Variants in MCC observed in about 807,000 individuals in gnomAD.
MCC encodes the protein colorectal mutant cancer protein.
MCC carries 90 observed loss-of-function variants against 116.2 expected under a neutral mutation model. That is an observed-to-expected ratio of 0.77 (90% CI 0.65 to 0.92). MCC has a LOEUF of 0.92. Ranked by LOEUF, MCC falls within the 40% of genes least tolerant of loss-of-function variation. The pLI is 0.00. For synonymous variants in MCC, 578 were observed against 510.5 expected, an observed-to-expected ratio of 1.13 and a Z score of -1.78; for missense variants, 1,516 against 1,312.2, an observed-to-expected ratio of 1.16 and a Z score of -2.40.
At chr5:113,041,530 G>C (rs1010155899) in intron 17 of MCC, among the ~76,000 whole-genome samples, 1 of 152,236 alleles carries the variant, frequency 6.6e-6, no homozygotes, top group East Asian at 1.9e-4. Context: ...TTGGCTACCA[G>C]AACAGGAGGG....
intron 11 of MCC, 29 bp downstream of exon 11, chr5:113,082,831 A>G (rs1269773948): frequency 1.2e-6 from 2 of 1,609,640 alleles, no homozygotes; most frequent in African/African-American, 1.3e-5. Context: ...TCCCTGCCCC[A>G]CAATCAAATC....
At position 113,132,155 on chromosome 5, in the gene MCC, G is replaced by A. The variant is rs559300267; in HGVS notation, c.885-9329C>T. Among the ~76,000 whole-genome samples, 168 of 150,570 alleles carry A rather than the reference G, an allele frequency of 1.1e-3. 1 individual carries two copies. Among genetic ancestry groups the A allele is most frequent in the African/African-American group, 3.9e-3 (161 of 40,994 alleles). ...TTTTCTTTTGAGTTTTCTATTAACTGGAACTTTACAAGGATTCAATTTCCT... is the reference window on the plus strand; with the variant it reads ...TTTTCTTTTGAGTTTTCTATTAACTAGAACTTTACAAGGATTCAATTTCCT... On this transcript the variant is annotated intron_variant, in intron 5 of 18. Transcript: ENST00000408903.
At chr5:113,148,720 TCTGA>T (rs1267826539) in intron 4 of MCC, among the ~76,000 whole-genome samples, 1 of 152,222 alleles carries the variant, frequency 6.6e-6, no homozygotes, top group African/African-American at 2.4e-5. Flanking sequence ...AAGATATAAG[TCTGA>T]CTTTTTTTTC....
chr5:113,184,519 T>A (rs2416316), intron 3 of MCC, among the ~76,000 whole-genome samples: 1 of 142,588 alleles, frequency 7.0e-6, no homozygotes. Flanking sequence ...CTTGTTCTGG[T>A]GCTCAGTGCT....
In MCC at chr5:113,402,293, C is replaced by CAAAA. The variant is rs371884386; in HGVS notation, c.171-17085_171-17082dup. On this transcript the variant is annotated intron_variant, in intron 1 of 18. Transcript: ENST00000408903. ...TGGGCAACAGAGCCAGACTCCGTCT[C>CAAAA]AAAAAAAAAAAAAAAAAACACACTC... Among the ~76,000 whole-genome samples, 352 of 96,590 alleles carry CAAAA rather than the reference C, an allele frequency of 3.6e-3. 9 individuals carry two copies. Among genetic ancestry groups the CAAAA allele is most frequent in the African/African-American group, 0.012 (322 of 27,658 alleles). 63.4% of individuals were successfully genotyped at this position (96,590 alleles called of 152,430 possible).
At chr5:113,236,753 C>T (rs2440190) in intron 3 of MCC, among the ~76,000 whole-genome samples, 32,355 of 151,984 alleles carry the variant, frequency 0.21, 3,734 homozygotes, top group Middle Eastern at 0.29. Context: ...GAAGAATACA[C>T]AGAGAGGAGA....
At chr5:113,141,430 T>G (rs947166869) in intron 5 of MCC, among the ~76,000 whole-genome samples, 7 of 152,208 alleles carry the variant, frequency 4.6e-5, no homozygotes, top group Admixed American at 1.3e-4. Context: ...CCCTTTCATA[T>G]CTTTACAGAT....
intron 3 of MCC, among the ~76,000 whole-genome samples, chr5:113,155,933 T>C (rs1236049918): frequency 2.0e-5 from 3 of 152,250 alleles, no homozygotes; most frequent in East Asian, 1.9e-4. Flanking sequence ...GCCAGTGCGA[T>C]GTAAGCAGAA....
intron 3 of MCC, among the ~76,000 whole-genome samples, chr5:113,298,732 A>T (rs995361593): frequency 2.0e-5 from 3 of 152,206 alleles, no homozygotes; most frequent in African/African-American, 7.2e-5. Context: ...GAACAGAAAC[A>T]AGAGAACGAG....
intron 1 of MCC, among the ~76,000 whole-genome samples, chr5:113,416,878 A>G (rs1770166107): frequency 6.6e-6 from 1 of 151,888 alleles, no homozygotes; most frequent in Admixed American, 6.6e-5. Flanking sequence ...TTTGTCAACA[A>G]TTTGCAAATT....
Position 113,434,145 on chromosome 5 carries a change from C to T in MCC, c.171-48933G>A, listed in dbSNP as rs192780356. On this transcript the variant is annotated intron_variant, in intron 1 of 18. Transcript: ENST00000408903. The surrounding 1 kb of genome is among the most constrained non-coding windows in gnomAD (Gnocchi z 4.2). Reference sequence around the variant, plus strand: ...GTGCTTGGAGCGTGGGAAGTTGACGCGGTGCTCCTTCTGGATACGCAGCAT... The same window carrying T: ...GTGCTTGGAGCGTGGGAAGTTGACGTGGTGCTCCTTCTGGATACGCAGCAT... The T allele has an allele frequency of 2.1e-4, 341 of 1,614,148 alleles. 1 individual carries two copies. Among genetic ancestry groups the T allele is most frequent in the South Asian group, 1.7e-3 (159 of 91,086 alleles).
intron 3 of MCC, among the ~76,000 whole-genome samples, chr5:113,219,676 C>T (rs1466011417): frequency 6.6e-6 from 1 of 152,090 alleles, no homozygotes; most frequent in Admixed American, 6.5e-5. Context: ...TGAAACTTTC[C>T]ATAATAAAGT....
rs757936630 is a variant in MCC, at chr5:113,068,095, C to T, written c.2014G>A (p.Val672Met). 41 of 1,613,894 alleles carry T rather than the reference C, an allele frequency of 2.5e-5. No individual in the cohort carries two copies. The highest frequency in any genetic ancestry group is 1.3e-4 in the Admixed American group (8 of 60,004). The change falls in exon 13 of 19, where the codon GTG becomes ATG. Residue 672 changes from valine (V) to methionine (M), a missense_variant. Transcript: ENST00000408903. ...LILGQFRAAGVGSSPGDQSGD... is the reference protein window; with the variant it reads ...LILGQFRAAGMGSSPGDQSGD... ...AGACACTTACCAGGGGAGGACCCCACGCCCGCCGCTCGGAACTGCCCCAGG... is the reference window on the plus strand; with the variant it reads ...AGACACTTACCAGGGGAGGACCCCATGCCCGCCGCTCGGAACTGCCCCAGG...
intron 1 of MCC, among the ~76,000 whole-genome samples, chr5:113,396,829 A>G (rs1020103823): frequency 6.6e-6 from 1 of 152,180 alleles, no homozygotes; most frequent in African/African-American, 2.4e-5. Flanking sequence ...TAAATAATAA[A>G]TGAATAGCAA....
At chr5:113,230,883 GACC>G (rs1474013347) in intron 3 of MCC, among the ~76,000 whole-genome samples, 6 of 152,084 alleles carry the variant, frequency 3.9e-5, no homozygotes, top group Non-Finnish European at 8.8e-5. Flanking sequence ...TTGCAAAACA[GACC>G]ATTATCTCAA....
At chr5:113,273,715 A>AT (rs34372964) in intron 3 of MCC, among the ~76,000 whole-genome samples, 4,213 of 152,180 alleles carry the variant, frequency 0.028, 75 homozygotes, top group Non-Finnish European at 0.038. Flanking sequence ...AAATAAGGGT[A>AT]TTTTCCTGAT....
intron 1 of MCC, among the ~76,000 whole-genome samples, chr5:113,461,373 G>A (rs576061731): frequency 3.1e-4 from 47 of 152,304 alleles, no homozygotes; most frequent in Middle Eastern, 3.4e-3. Flanking sequence ...TTTTACAGAT[G>A]AGGAAACCAA....
At chr5:113,408,830 A>G (rs1331660578) in intron 1 of MCC, among the ~76,000 whole-genome samples, 1 of 152,216 alleles carries the variant, frequency 6.6e-6, no homozygotes, top group African/African-American at 2.4e-5. Flanking sequence ...GCAAGGGAGC[A>G]GGAGATGGAT....
intron 1 of MCC, among the ~76,000 whole-genome samples, chr5:113,486,692 A>T (rs62371934): frequency 0.034 from 5,223 of 151,992 alleles, 142 homozygotes; most frequent in African/African-American, 0.075. Context: ...AAAATACGAA[A>T]ATTAGCCGGG....
Sources: allele counts gnomAD v4.1 joint callset (sites outside exome capture counted in the v4.1 genomes callset), GRCh38; gene constraint gnomAD v4.1.1; non-coding constraint Gnocchi (gnomAD v3.1); transcripts MANE v1.5; gene names NCBI Gene and HGNC (gene_info 2026-07-23, HGNC 2026-07-21).